Variants in ZNF420 observed in about 807,000 individuals in gnomAD.
ZNF420 encodes the protein ATM and p53-associated KZNF protein.
In ZNF420, 31 loss-of-function variants were observed where a neutral mutation model predicts 44.7. The observed-to-expected ratio is 0.69, with a 90% CI of 0.52 to 0.94. The LOEUF (loss-of-function observed/expected upper bound fraction) is 0.94. Ranked by LOEUF, ZNF420 falls within the 40% of genes least tolerant of loss-of-function variation. The probability of loss-of-function intolerance (pLI) is 0.00; values close to 1 mark genes in which losing one functional copy is unlikely to be tolerated. For synonymous variants in ZNF420, 245 were observed against 267.4 expected, an observed-to-expected ratio of 0.92 and a Z score of 0.82; for missense variants, 681 against 827.9, an observed-to-expected ratio of 0.82 and a Z score of 2.18.
chr19:37,114,655 G>A (rs1970561658), intron 4 of ZNF420, among the ~76,000 whole-genome samples: 1 of 152,060 alleles, frequency 6.6e-6, no homozygotes, highest in Non-Finnish European at 1.5e-5. Flanking sequence ...AACCATTACC[G>A]GCTCTGCTAC....
intron 1 of ZNF420, among the ~76,000 whole-genome samples, chr19:37,014,541 C>T (rs1262881852): frequency 3.3e-5 from 5 of 152,186 alleles, no homozygotes; most frequent in African/African-American, 1.2e-4. Flanking sequence ...GGTCAGGACT[C>T]TTAGGGTCCT....
chr19:37,087,282 C>CAAA, intron 2 of ZNF420, among the ~76,000 whole-genome samples: 1 of 121,458 alleles, frequency 8.2e-6, no homozygotes, highest in Non-Finnish European at 1.7e-5. Context: ...GACCCTGTCT[C>CAAA]AAAAAAAAAA....
chr19:37,027,950 C>T (rs1967185314), intron 1 of ZNF420, among the ~76,000 whole-genome samples: 1 of 152,166 alleles, frequency 6.6e-6, no homozygotes, highest in Non-Finnish European at 1.5e-5. Flanking sequence ...ACAAAGAATG[C>T]AATTGCCAGA....
At chr19:37,069,688 G>A (rs576465762) in intron 1 of ZNF420, among the ~76,000 whole-genome samples, 2 of 152,082 alleles carry the variant, frequency 1.3e-5, no homozygotes, top group African/African-American at 2.4e-5. Context: ...TTTGAAATAC[G>A]TTTCTACTGA....
At position 37,054,200 on chromosome 19, in the gene ZNF420, C is replaced by T. The variant is rs148032318; in HGVS notation, c.-124-26145C>T. 2.5e-4 allele frequency among the ~76,000 whole-genome samples: 38 copies of T among 152,318 alleles called. 1 individual carries two copies. Among genetic ancestry groups the T allele is most frequent in the African/African-American group, 7.9e-4 (33 of 41,570 alleles). On this transcript the variant is annotated intron_variant, in intron 1 of 4. Transcript: ENST00000587029. Reference sequence around the variant, plus strand: ...CTCCTGGTGTGCCATTTGCTAAGGCCGTTGGAAAAGCTCAGTATTAGGGTG... The same window carrying T: ...CTCCTGGTGTGCCATTTGCTAAGGCTGTTGGAAAAGCTCAGTATTAGGGTG...
At chr19:37,105,858 T>A (rs1970049310) in intron 4 of ZNF420, among the ~76,000 whole-genome samples, 1 of 152,226 alleles carries the variant, frequency 6.6e-6, no homozygotes, top group African/African-American at 2.4e-5. Context: ...ATAAGAATGC[T>A]TGTGATTTTT....
chr19:37,085,675 A>G (rs1002737648), intron 2 of ZNF420, among the ~76,000 whole-genome samples: 1 of 152,060 alleles, frequency 6.6e-6, no homozygotes, highest in African/African-American at 2.4e-5. Flanking sequence ...GAGAGGGGAA[A>G]CTTTGAAGAC....
chr19:37,051,394 C>T (rs1967636435), intron 1 of ZNF420, among the ~76,000 whole-genome samples: 2 of 152,158 alleles, frequency 1.3e-5, no homozygotes, highest in South Asian at 4.1e-4. Flanking sequence ...GCCTCAATTT[C>T]AGATCCTGTT....
chr19:37,123,011 A>G (rs1012914302), intron 4 of ZNF420, among the ~76,000 whole-genome samples: 3 of 152,210 alleles, frequency 2.0e-5, no homozygotes, highest in African/African-American at 7.2e-5. Context: ...AGGAGTTCTC[A>G]GTAAGTAGCA....
intron 2 of ZNF420, among the ~76,000 whole-genome samples, chr19:37,086,908 T>C (rs899644643): frequency 6.6e-6 from 1 of 152,222 alleles, no homozygotes; most frequent in African/African-American, 2.4e-5. Context: ...TGTTACCATT[T>C]TTTTATTGGA....
At chr19:37,100,001 G>A (rs1969677989) in intron 4 of ZNF420, among the ~76,000 whole-genome samples, 1 of 151,972 alleles carries the variant, frequency 6.6e-6, no homozygotes, top group African/African-American at 2.4e-5. Context: ...ATCTGTTTTT[G>A]CATTTGTCAG....
intron 2 of ZNF420, among the ~76,000 whole-genome samples, chr19:37,087,287 AAAAAAAT>A (rs776078981): frequency 0.25 from 29,278 of 117,694 alleles, 3,475 homozygotes; most frequent in Non-Finnish European, 0.3. Flanking sequence ...TGTCTCAAAA[AAAAAAAT>A]AAATAAATAA....
chr19:37,128,148 C>A lies in ZNF420; in HGVS notation c.1157C>A (p.Thr386Asn). The A allele has an allele frequency of 6.2e-7, 1 of 1,614,000 alleles. No homozygotes were observed. Among genetic ancestry groups the A allele is most frequent in the South Asian group, 1.1e-5 (1 of 91,080 alleles). Residue 386 changes from threonine to asparagine, a missense_variant, in exon 5 of 5, where the codon ACC becomes AAC. Around this residue, in one of 3 missense-constraint regions of ZNF420, gnomAD observed 51 missense variants for 106.8 expected, o/e 0.48. Transcript: ENST00000337995. Reference protein sequence around the residue: ...SQLTQHQRIHTNEKPYECKEC... With the variant: ...SQLTQHQRIHNNEKPYECKEC... The stretch of plus-strand genomic sequence containing the variant: ...CTTACTCAACACCAGAGAATTCACA[C>A]CAATGAAAAGCCCTATGAATGTAAG...
At chr19:37,075,043 T>C (rs1968122484), upstream of ZNF420, 1 of 152,174 alleles carries the variant, frequency 6.6e-6, no homozygotes, top group South Asian at 2.1e-4. Flanking sequence ...TTCAAAATCA[T>C]TTGCCAACAT....
chr19:37,115,784 C>A (rs1268708991), intron 4 of ZNF420, among the ~76,000 whole-genome samples: 1 of 151,932 alleles, frequency 6.6e-6, no homozygotes, highest in Non-Finnish European at 1.5e-5. Context: ...TTTTCCCTTC[C>A]CACGAGGCCA....
intron 4 of ZNF420, among the ~76,000 whole-genome samples, chr19:37,104,259 T>C (rs1035994247): frequency 2.0e-5 from 3 of 152,004 alleles, no homozygotes; most frequent in Non-Finnish European, 2.9e-5. Flanking sequence ...GTCCTTGAGA[T>C]AGTTTGCTAA....
At chr19:37,031,358 A>G (rs2562607) in intron 1 of ZNF420, among the ~76,000 whole-genome samples, 84,976 of 151,972 alleles carry the variant, frequency 0.56, 25,285 homozygotes, top group African/African-American at 0.75. Flanking sequence ...AATAGAGCAC[A>G]ACCAACACCA....
upstream of ZNF420, among the ~76,000 whole-genome samples, chr19:37,073,478 C>T (rs1345235882): frequency 1.3e-5 from 2 of 152,102 alleles, no homozygotes; most frequent in African/African-American, 4.8e-5. Flanking sequence ...GTGGTTCACA[C>T]CTGTAATCCC....
chr19:37,123,439 T>C (rs1387449408), intron 4 of ZNF420, among the ~76,000 whole-genome samples: 1 of 151,990 alleles, frequency 6.6e-6, no homozygotes, highest in Admixed American at 6.6e-5. Context: ...GAAGGCCTTG[T>C]CTCTTGAATT....
Sources: allele counts gnomAD v4.1 joint callset (sites outside exome capture counted in the v4.1 genomes callset), GRCh38; gene constraint gnomAD v4.1.1; regional missense constraint gnomAD v4.1.1; transcripts MANE v1.5; gene names NCBI Gene and HGNC (gene_info 2026-07-23, HGNC 2026-07-21).